CCDC97: variants seen among roughly 807,000 people sequenced by gnomAD.
CCDC97 encodes the protein coiled-coil domain-containing protein 97.
In CCDC97, 27 loss-of-function variants were observed where a neutral mutation model predicts 33.9. That is an observed-to-expected ratio of 0.80 (90% CI 0.59 to 1.10). The LOEUF is 1.10. Among genes scored for constraint, CCDC97 ranks in the 50% least tolerant of loss-of-function variants. CCDC97 has a pLI of 0.00. For synonymous variants in CCDC97, 217 were observed against 194.0 expected, an observed-to-expected ratio of 1.12 and a Z score of -0.99; for missense variants, 422 against 476.6, an observed-to-expected ratio of 0.89 and a Z score of 1.07.
Position 41,320,271 on chromosome 19 carries a change from CTG to C in CCDC97, c.782-67_782-66del, listed in dbSNP as rs2037806463. 4 of 1,595,062 alleles carry C rather than the reference CTG, an allele frequency of 2.5e-6. No individual in the cohort carries two copies. In the South Asian group the frequency reaches 4.5e-5, roughly 18 times the overall value. Reference sequence around the variant, plus strand: ...GGCTGGGCACAGGAGCAGCAGCTCTCTGTGGACTCTGTGCTCAGTGCCTGCCC... The same window carrying C: ...GGCTGGGCACAGGAGCAGCAGCTCTCTGGACTCTGTGCTCAGTGCCTGCCC... On this transcript the variant is annotated intron_variant, in intron 3 of 4. Transcript: ENST00000269967.
chr19:41,318,990 T>C (rs939546979), intron 2 of CCDC97, among the ~76,000 whole-genome samples: 2 of 152,202 alleles, frequency 1.3e-5, no homozygotes, highest in Admixed American at 6.5e-5. Flanking sequence ...TTCTGCTGCA[T>C]TGTCCTGCAT....
chr19:41,316,364 CCAA>C lies in CCDC97; in HGVS notation c.47-19_47-17del. 1 of 1,594,132 alleles carries C rather than the reference CCAA, an allele frequency of 6.3e-7. No individual in the cohort carries two copies. Among genetic ancestry groups the C allele is most frequent in the Non-Finnish European group, 8.6e-7 (1 of 1,164,618 alleles). On this transcript the variant is annotated splice_polypyrimidine_tract_variant and intron_variant, in intron 1 of 4. Coordinates refer to ENST00000269967, the MANE Select transcript of CCDC97 (RefSeq NM_052848.3). ...TCCCACACTCCCATCTCTGAACTAACCAATCTCTCCTTTCCTCAGGCTGCATAG... is the reference window on the plus strand; with the variant it reads ...TCCCACACTCCCATCTCTGAACTAACTCTCTCCTTTCCTCAGGCTGCATAG...
At chr19:41,315,623 GA>G (rs1044169172) in intron 1 of CCDC97, among the ~76,000 whole-genome samples, 5 of 148,200 alleles carry the variant, frequency 3.4e-5, no homozygotes, top group African/African-American at 7.5e-5. Flanking sequence ...AAAAAAAAAA[GA>G]AAAAAAAATT....
At chr19:41,319,009 CCAGA>C (rs1485415516) in intron 2 of CCDC97, among the ~76,000 whole-genome samples, 1 of 152,202 alleles carries the variant, frequency 6.6e-6, no homozygotes, top group Non-Finnish European at 1.5e-5. Context: ...ATGCTGACAC[CCAGA>C]CAGACAGGTG....
chr19:41,314,722 C>T (rs529006813), intron 1 of CCDC97, among the ~76,000 whole-genome samples: 1 of 152,296 alleles, frequency 6.6e-6, no homozygotes, highest in African/African-American at 2.4e-5. Context: ...CAGCCTTGGC[C>T]AGGCATGGTG....
At chr19:41,316,958 A>C (rs2037757231) in intron 2 of CCDC97, 119 bp downstream of exon 2, 4 of 770,348 alleles carry the variant, frequency 5.2e-6, no homozygotes, top group Non-Finnish European at 8.2e-6. Context: ...AGAAGTTCTG[A>C]GACAGAGACA....
chr19:41,311,633 T>C (rs1303520573), intron 1 of CCDC97, among the ~76,000 whole-genome samples: 1 of 151,938 alleles, frequency 6.6e-6, no homozygotes, highest in Non-Finnish European at 1.5e-5. Flanking sequence ...CTCGGGAGGC[T>C]GAGGCACCAA....
At chr19:41,316,330 C>A in intron 1 of CCDC97, 54 bp from the exon 2 acceptor site, 1 of 1,413,960 alleles carries the variant, frequency 7.1e-7, no homozygotes. Flanking sequence ...GACTAAGCCC[C>A]CAGTCCCTTC....
rs759151514 is a variant in CCDC97, at chr19:41,310,356, G to C, written c.46G>C (p.Gly16Arg). The change falls in exon 1 of 5, where the codon GGC (glycine) becomes CGC (arginine). Residue 16 changes from glycine (G) to arginine (R), a missense_variant and splice_region_variant. Coordinates refer to ENST00000269967, the MANE Select transcript of CCDC97 (RefSeq NM_052848.3). ...GACGGCGGCGAAGGAACCCGATAAG[G>C]GTGAGATCTTGGTCACGCGCAGGCG... Reference protein sequence around the residue: ...TATAAKEPDKGCIEPGPGHWG... With the variant: ...TATAAKEPDKRCIEPGPGHWG... 7.5e-6 allele frequency: 12 copies of C among 1,605,260 alleles called. No individual in the cohort carries two copies. Among genetic ancestry groups the C allele is most frequent in the Non-Finnish European group, 1.0e-5 (12 of 1,176,488 alleles).
Position 41,319,792 on chromosome 19 carries a change from CAGGAGG to C in CCDC97, c.731_736del (p.Glu244_Glu245del), listed in dbSNP as rs776298829. The C allele has an allele frequency of 1.9e-6, 3 of 1,610,218 alleles. No individual in the cohort carries two copies. Among genetic ancestry groups the C allele is most frequent in the South Asian group, 1.1e-5 (1 of 90,968 alleles). ...GCTACAGCAGCGTCTGCTCCAACAGCAGGAGGAGGAGGAGGCCTGCTTGGAGGAAGA... is the reference window on the plus strand; with the variant it reads ...GCTACAGCAGCGTCTGCTCCAACAGCAGGAGGAGGCCTGCTTGGAGGAAGA... On this transcript the variant is annotated inframe_deletion, in exon 3 of 5. Coordinates refer to ENST00000269967, the MANE Select transcript of CCDC97 (RefSeq NM_052848.3).
chr19:41,314,431 C>T (rs368295036), intron 1 of CCDC97, among the ~76,000 whole-genome samples: 2 of 152,232 alleles, frequency 1.3e-5, no homozygotes, highest in Admixed American at 6.5e-5. Flanking sequence ...CGCAAGCCAC[C>T]GCGCCCGGCC....
rs757812551 is a variant in CCDC97, at chr19:41,320,387, G to A, written c.828G>A (p.Glu276=). The A allele has an allele frequency of 4.3e-6, 7 of 1,614,036 alleles. No homozygotes were observed. The highest frequency in any genetic ancestry group is 5.9e-6 in the Non-Finnish European group (7 of 1,180,030). ...CGGAGGCCTGGGTTCCCGACTCGGA[G>A]GAGAGGCTGATCCTGCGAGAGGAGT... is the stretch of plus-strand genomic sequence containing the variant. The part of the protein sequence containing the change: ...KDSEAWVPDS[E]ERLILREEFT... The change falls in exon 4 of 5, where the codon GAG becomes GAA. Residue 276 remains glutamate, a synonymous_variant. Transcript: ENST00000269967.
intron 1 of CCDC97, among the ~76,000 whole-genome samples, chr19:41,314,233 G>A (rs190370621): frequency 1.3e-5 from 2 of 151,206 alleles, no homozygotes; most frequent in East Asian, 3.9e-4. Flanking sequence ...CGCAACCTCT[G>A]CCTCCCAGGT....
intron 1 of CCDC97, among the ~76,000 whole-genome samples, chr19:41,312,454 T>G (rs1390838260): frequency 6.6e-6 from 1 of 152,212 alleles, no homozygotes; most frequent in Admixed American, 6.5e-5. Context: ...CCTTTTTGCA[T>G]GTTTTCCTTT....
rs755911135 is a variant in CCDC97 at position 41,319,614 on chromosome 19, C to T, written c.543C>T (p.Ala181=). 1.6e-5 allele frequency: 25 copies of T among 1,612,160 alleles called. No homozygotes were observed. In the East Asian group the frequency reaches 5.4e-4, roughly 35 times the overall value. ...GTGATGAGCAGATGCGGTTCCGGGC[C>T]CCCCTGCTATATGAGCAGTACATCG... ...YFSDEQMRFR[A]PLLYEQYIGQ... Residue 181 remains alanine, a synonymous_variant, in exon 3 of 5, where the codon GCC becomes GCT. Coordinates refer to ENST00000269967, the MANE Select transcript of CCDC97 (RefSeq NM_052848.3).
intron 3 of CCDC97, 79 bp from the exon 4 acceptor site, chr19:41,320,251 GGCACAGGAGCA>G: frequency 1.9e-6 from 3 of 1,555,556 alleles, no homozygotes; most frequent in Non-Finnish European, 2.6e-6. Context: ...CGCAAGGCTG[GGCACAGGAGCA>G]GCAGCTCTCT....
At position 41,322,703 on chromosome 19, in the gene CCDC97, G is replaced by A; in HGVS notation, c.1020G>A (p.Leu340=). 1 of 1,613,404 alleles carries A rather than the reference G, an allele frequency of 6.2e-7. No homozygotes were observed. Among genetic ancestry groups the A allele is most frequent in the Non-Finnish European group, 8.5e-7 (1 of 1,179,628 alleles). The change falls in exon 5 of 5, where the codon CTG becomes CTA. Residue 340 remains leucine (L), a synonymous_variant. Coordinates refer to ENST00000269967, the MANE Select transcript of CCDC97 (RefSeq NM_052848.3). ...CTGAGGATGCGCCCAGCCCAGAGCT[G>A]GATGGGGACTGATGGCCGCCACCCT... is the stretch of plus-strand genomic sequence containing the variant. ...EEPEDAPSPE[L]DGD
Position 41,319,860 on chromosome 19 carries a change from C to T in CCDC97, c.781+8C>T, listed in dbSNP as rs1232729463. ...AGGACAGTGACGAGGAAGGTGAGGG[C>T]CAGTAGCAGGAAGACCCCAGATTCC... is the stretch of plus-strand genomic sequence containing the variant. On this transcript the variant is annotated splice_region_variant and intron_variant, in intron 3 of 4. Transcript: ENST00000269967. 2.2e-6 allele frequency: 3 copies of T among 1,347,066 alleles called. No homozygotes were observed. Among genetic ancestry groups the T allele is most frequent in the Admixed American group, 1.8e-5 (1 of 55,172 alleles). The allele number at this position is 1,347,066 out of a possible 1,614,324, so 83.4% of individuals were successfully genotyped here.
At position 41,310,259 on chromosome 19, in the gene CCDC97, G is replaced by A; in HGVS notation, c.-52G>A. The A allele has an allele frequency of 6.4e-7, 1 of 1,565,296 alleles. No homozygotes were observed. The highest frequency in any genetic ancestry group is 8.7e-7 in the Non-Finnish European group (1 of 1,154,780). On this transcript the variant is annotated 5_prime_UTR_variant, in exon 1 of 5. Coordinates refer to ENST00000269967, the MANE Select transcript of CCDC97 (RefSeq NM_052848.3). ...AAGTGTCTCTTGCGTGCGTGGGCCGGAGGTTAGTGTGCGGGGCCCGCCGGG... is the reference window on the plus strand; with the variant it reads ...AAGTGTCTCTTGCGTGCGTGGGCCGAAGGTTAGTGTGCGGGGCCCGCCGGG...
Sources: gnomAD v4.1 joint callset for allele counts (sites outside exome capture counted in the v4.1 genomes callset) on GRCh38, gnomAD v4.1.1 for gene constraint, MANE v1.5 for transcripts, NCBI Gene and HGNC (gene_info 2026-07-23, HGNC 2026-07-21) for gene names.